CHRM3: variants seen among roughly 807,000 people sequenced by gnomAD.
The protein encoded by CHRM3 is muscarinic acetylcholine receptor M3.
Under a neutral mutation model 41.8 loss-of-function variants are expected in CHRM3, and 11 were observed. That is an observed-to-expected ratio of 0.26 (90% confidence interval 0.17 to 0.44). The LOEUF is 0.44. CHRM3 is among the 20% of genes least tolerant of loss of function. The pLI is 1.00. For synonymous variants in CHRM3, 297 were observed against 301.4 expected, an observed-to-expected ratio of 0.99 and a Z score of 0.15; for missense variants, 571 against 745.4, an observed-to-expected ratio of 0.77 and a Z score of 2.72.
chr1:239,831,326 C>T (rs767659143), intron 6 of CHRM3, among the ~76,000 whole-genome samples: 1 of 152,112 alleles, frequency 6.6e-6, no homozygotes, highest in Non-Finnish European at 1.5e-5. Context: ...TGGTCACTCC[C>T]CTCGGGCCTG....
At chr1:239,620,467 G>A (rs1668233695) in intron 3 of CHRM3, among the ~76,000 whole-genome samples, 1 of 152,018 alleles carries the variant, frequency 6.6e-6, no homozygotes, top group African/African-American at 2.4e-5. Context: ...TAGATAGGTA[G>A]GTATGGGTAG....
At chr1:239,569,211 C>G (rs140350108) in intron 3 of CHRM3, among the ~76,000 whole-genome samples, 52 of 152,258 alleles carry the variant, frequency 3.4e-4, no homozygotes, top group African/African-American at 1.2e-3. Flanking sequence ...TCTGTTTGCT[C>G]TCTCTAAGAT....
chr1:239,594,946 G>A (rs983869848), intron 3 of CHRM3, among the ~76,000 whole-genome samples: 4 of 152,218 alleles, frequency 2.6e-5, no homozygotes, highest in Non-Finnish European at 5.9e-5. Flanking sequence ...AAAATTAGCC[G>A]GGCGTGGTGG....
At chr1:239,547,979 T>A (rs576820912) in intron 3 of CHRM3, among the ~76,000 whole-genome samples, 25 of 152,276 alleles carry the variant, frequency 1.6e-4, no homozygotes, top group African/African-American at 6.0e-4. Flanking sequence ...ATGACTTTTT[T>A]TTTTCAGGAG....
intron 1 of CHRM3, among the ~76,000 whole-genome samples, chr1:239,422,287 T>C (rs890493000): frequency 6.6e-6 from 1 of 152,222 alleles, no homozygotes; most frequent in Admixed American, 6.5e-5. Flanking sequence ...TGCAGTAACT[T>C]AATGTCTTAG....
chr1:239,519,764 T>C (rs1669505352), intron 2 of CHRM3, among the ~76,000 whole-genome samples: 1 of 144,920 alleles, frequency 6.9e-6, no homozygotes, highest in Non-Finnish European at 1.5e-5. Flanking sequence ...TTTTTTTTTT[T>C]TGAGACAGAG....
At chr1:239,607,990 A>T (rs374848774) in intron 3 of CHRM3, among the ~76,000 whole-genome samples, 1 of 152,262 alleles carries the variant, frequency 6.6e-6, no homozygotes, top group East Asian at 1.9e-4. Flanking sequence ...TCAGGAGTTT[A>T]TGTATTTTAA....
At chr1:239,568,371 A>G (rs1661547749) in intron 3 of CHRM3, among the ~76,000 whole-genome samples, 1 of 152,158 alleles carries the variant, frequency 6.6e-6, no homozygotes, top group Non-Finnish European at 1.5e-5. Flanking sequence ...TGATTGTTTT[A>G]TAAGGGGAGA....
intron 2 of CHRM3, among the ~76,000 whole-genome samples, chr1:239,502,877 T>C (rs1175273173): frequency 2.0e-5 from 3 of 152,128 alleles, no homozygotes; most frequent in Non-Finnish European, 4.4e-5. Context: ...TGATTAAAAC[T>C]CTCAGCAAAA....
chr1:239,628,845 G>T (rs1262228072), intron 3 of CHRM3, among the ~76,000 whole-genome samples: 667 of 66,648 alleles, frequency 0.01, 10 homozygotes, highest in African/African-American at 0.047. Context: ...CACTTGAGGA[G>T]GCAGTCTGCC....
intron 1 of CHRM3, among the ~76,000 whole-genome samples, chr1:239,477,528 G>A (rs1343839270): frequency 2.0e-5 from 3 of 152,172 alleles, no homozygotes; most frequent in Non-Finnish European, 4.4e-5. Flanking sequence ...AAATGAATCT[G>A]ACATTGAAGG....
At chr1:239,457,680 G>A (rs1336278344) in intron 1 of CHRM3, among the ~76,000 whole-genome samples, 1 of 152,162 alleles carries the variant, frequency 6.6e-6, no homozygotes, top group Non-Finnish European at 1.5e-5. Context: ...AAGCAAGCAA[G>A]TTACCTGTCT....
intron 3 of CHRM3, among the ~76,000 whole-genome samples, chr1:239,614,638 G>A (rs779091808): frequency 1.3e-5 from 2 of 152,172 alleles, no homozygotes; most frequent in African/African-American, 4.8e-5. Flanking sequence ...ATAGGTTTAT[G>A]CTGGGCCCAG....
intron 6 of CHRM3, among the ~76,000 whole-genome samples, chr1:239,851,824 G>A (rs965740895): frequency 2.0e-5 from 3 of 151,994 alleles, no homozygotes; most frequent in Non-Finnish European, 4.4e-5. Context: ...CTTTAGAGAT[G>A]ACACTTTATA....
chr1:239,611,710 C>T (rs1034651310), intron 3 of CHRM3, among the ~76,000 whole-genome samples: 14 of 152,136 alleles, frequency 9.2e-5, no homozygotes, highest in South Asian at 2.1e-4. Flanking sequence ...TGAGCCACCG[C>T]ACCCAGCCGC....
intron 4 of CHRM3, among the ~76,000 whole-genome samples, chr1:239,669,044 C>T (rs1327449638): frequency 6.6e-6 from 1 of 152,184 alleles, no homozygotes; most frequent in Non-Finnish European, 1.5e-5. Context: ...GAGCTTCCAT[C>T]TCCCCGAAAA....
intron 2 of CHRM3, among the ~76,000 whole-genome samples, chr1:239,536,570 G>T (rs1658216756): frequency 6.6e-6 from 1 of 152,174 alleles, no homozygotes; most frequent in Non-Finnish European, 1.5e-5. Flanking sequence ...TCCACTCAAG[G>T]TAATTATATG....
chr1:239,880,964 A>G (rs530404458), intron 6 of CHRM3, among the ~76,000 whole-genome samples: 33 of 152,290 alleles, frequency 2.2e-4, no homozygotes, highest in Admixed American at 9.1e-4. Flanking sequence ...AGTAATAAAG[A>G]CAGCAGGCAA....
chr1:239,620,747 T>C (rs1668267442), intron 3 of CHRM3, among the ~76,000 whole-genome samples: 1 of 152,134 alleles, frequency 6.6e-6, no homozygotes, highest in East Asian at 1.9e-4. Context: ...GCAACCATAA[T>C]TCTATAAATA....
Sources: gnomAD v4.1 joint callset for allele counts (sites outside exome capture counted in the v4.1 genomes callset) on GRCh38, gnomAD v4.1.1 for gene constraint, MANE v1.5 for transcripts, NCBI Gene and HGNC (gene_info 2026-07-23, HGNC 2026-07-21) for gene names.